Variants in DIDO1 observed in about 807,000 individuals in gnomAD.
DIDO1 encodes death inducer-obliterator 1.
In DIDO1, 16 loss-of-function variants were observed where a neutral mutation model predicts 99.4. The observed-to-expected ratio is 0.16, with a 90% CI of 0.11 to 0.24. DIDO1 has a LOEUF of 0.24. DIDO1 is among the 10% of genes least tolerant of loss of function. The pLI is 1.00. For missense variants in DIDO1, 2,996 were observed against 3,014.0 expected (o/e 0.99, Z 0.14); for synonymous variants, 1,366 against 1,239.1 (o/e 1.10, Z -2.15).
intron 15 of DIDO1, chr20:62,888,803 A>C (rs1266460914): frequency 1.0e-6 from 1 of 985,338 alleles, no homozygotes; most frequent in East Asian, 1.1e-4. Context: ...CCCGGGGTGA[A>C]GGCTGTTTAG....
chr20:62,879,031 TATTA>T lies in DIDO1; in HGVS notation c.*198_*201del. ...CATTTCTTTTAATTTTAAATGGAAA[TATTA>T]AAGTTTAGTTTTTTTAAAAAAGCAT... On this transcript the variant is annotated 3_prime_UTR_variant, in exon 16 of 16. Coordinates refer to ENST00000395343, the MANE Select transcript of DIDO1 (RefSeq NM_001193369.2). This position sits in a 1 kb window ranked among gnomAD's most constrained non-coding sequence, Gnocchi z 6.3. The T allele has an allele frequency of 2.1e-6, 1 of 475,222 alleles. No homozygotes were observed. Among genetic ancestry groups the T allele is most frequent in the Non-Finnish European group, 3.5e-6 (1 of 283,038 alleles). 29.4% of individuals were successfully genotyped at this position (475,222 alleles called of 1,614,324 possible).
rs1260378636 is a variant in DIDO1, at chr20:62,902,678, A to T, written c.1588+3209T>A. Among the ~76,000 whole-genome samples, 4 of 152,086 alleles carry T rather than the reference A, an allele frequency of 2.6e-5. No individual in the cohort carries two copies. In the East Asian group the frequency reaches 7.7e-4, roughly 29 times the overall value. ...GTGAACGGTGTTCTCCGTCCATTTCACCCCACCAGGGCCATCTCTGTGGCA... is the reference window on the plus strand; with the variant it reads ...GTGAACGGTGTTCTCCGTCCATTTCTCCCCACCAGGGCCATCTCTGTGGCA... On this transcript the variant is annotated intron_variant, in intron 6 of 15. Transcript: ENST00000395343.
Position 62,881,698 on chromosome 20 carries a change from C to T in DIDO1, c.4258G>A (p.Glu1420Lys). The T allele has an allele frequency of 6.2e-7, 1 of 1,612,902 alleles. No homozygotes were observed. The highest frequency in any genetic ancestry group is 8.5e-7 in the Non-Finnish European group (1 of 1,180,030). Residue 1420 changes from glutamate (E) to lysine (K), a missense_variant, in exon 16 of 16, where the codon GAG (glutamate) becomes AAG (lysine). Transcript: ENST00000395343. This position sits in a 1 kb window ranked among gnomAD's most constrained non-coding sequence, Gnocchi z 8.3. ...VERAPEAAAA[E>K]REEVAYDPED... is the part of the protein sequence containing the mutation. ...GGGTCATAGGCCACCTCTTCCCGCTCGGCTGCAGCTGCTTCAGGAGCCCTT... is the reference window on the plus strand; with the variant it reads ...GGGTCATAGGCCACCTCTTCCCGCTTGGCTGCAGCTGCTTCAGGAGCCCTT...
intron 1 of DIDO1, among the ~76,000 whole-genome samples, chr20:62,933,069 G>A (rs546693684): frequency 2.6e-5 from 4 of 152,300 alleles, no homozygotes; most frequent in South Asian, 4.2e-4. Flanking sequence ...AAAATTAGCC[G>A]GGCGTGGTGG....
chr20:62,913,246 T>C (rs1223487064), intron 2 of DIDO1, among the ~76,000 whole-genome samples: 1 of 151,894 alleles, frequency 6.6e-6, no homozygotes, highest in Non-Finnish European at 1.5e-5. Flanking sequence ...ACTTCTATGC[T>C]CACCTGAAGT....
In DIDO1 at chr20:62,879,793, G is replaced by C; in HGVS notation, c.6163C>G (p.Pro2055Ala). The change falls in exon 16 of 16, where the codon CCC becomes GCC. Residue 2055 changes from proline (P) to alanine (A), a missense_variant. Coordinates refer to ENST00000395343, the MANE Select transcript of DIDO1 (RefSeq NM_001193369.2). This position sits in a 1 kb window ranked among gnomAD's most constrained non-coding sequence, Gnocchi z 6.3. ...CCGTCGGCCTCGGGGCCCTGTCCGG[G>C]CGCACTGGAGGAGAGCGCGGAGGGC... is the stretch of plus-strand genomic sequence containing the variant. ...GPPSALSSSAPGQGPEADGQW... is the reference protein window; with the variant it reads ...GPPSALSSSAAGQGPEADGQW... The C allele has an allele frequency of 6.2e-7, 1 of 1,611,184 alleles. No homozygotes were observed.
intron 6 of DIDO1, among the ~76,000 whole-genome samples, chr20:62,898,009 C>T (rs2064576455): frequency 6.6e-6 from 1 of 152,216 alleles, no homozygotes; most frequent in Non-Finnish European, 1.5e-5. Context: ...GTCAACAAGG[C>T]ACCTCCTGAG....
At chr20:62,907,081 G>C in intron 5 of DIDO1, 66 bp downstream of exon 5, 3 of 1,558,574 alleles carry the variant, frequency 1.9e-6, no homozygotes, top group Non-Finnish European at 2.7e-6. Flanking sequence ...CAAACCAACA[G>C]TTCTGCGACA....
Position 62,894,942 on chromosome 20 carries a change from T to C in DIDO1, c.2332-28A>G, listed in dbSNP as rs7271159. On this transcript the variant is annotated intron_variant, in intron 9 of 15. Coordinates refer to ENST00000395343, the MANE Select transcript of DIDO1 (RefSeq NM_001193369.2). This position sits in a 1 kb window ranked among gnomAD's most constrained non-coding sequence, Gnocchi z 4.4. ...GAAATGAAAAAGACGAAACAGAGCT[T>C]AGGCCTTGTTTTCTAGGAGGAAAGC... 4.0e-3 allele frequency: 6,481 copies of C among 1,607,488 alleles called. 196 individuals carry two copies. The African/African-American group carries it at 0.073, about 18-fold the overall frequency.
intron 6 of DIDO1, among the ~76,000 whole-genome samples, chr20:62,902,436 G>A (rs1279740428): frequency 2.0e-5 from 3 of 152,288 alleles, no homozygotes; most frequent in East Asian, 1.9e-4. Context: ...TCCCAGTCTC[G>A]TTTTATTGCC....
chr20:62,903,207 A>G (rs2147457637), intron 6 of DIDO1, among the ~76,000 whole-genome samples: 1 of 152,330 alleles, frequency 6.6e-6, no homozygotes, highest in East Asian at 1.9e-4. Context: ...GCTGTGAAGG[A>G]CCTACTGATA....
Position 62,896,269 on chromosome 20 carries a change from G to A in DIDO1, c.2178C>T (p.Arg726=). ...GGTCCTTCAGGTTGAACATGATGCTGCGATATTTACTCTTGTAGCGATTAT... is the reference window on the plus strand; with the variant it reads ...GGTCCTTCAGGTTGAACATGATGCTACGATATTTACTCTTGTAGCGATTAT... The part of the protein sequence containing the change: ...VTDNRYKSKY[R]SIMFNLKDPK... Residue 726 remains arginine, a synonymous_variant, in exon 8 of 16, where the codon CGC becomes CGT. Coordinates refer to ENST00000395343, the MANE Select transcript of DIDO1 (RefSeq NM_001193369.2). This position sits in a 1 kb window ranked among gnomAD's most constrained non-coding sequence, Gnocchi z 4.4. 3 of 1,613,794 alleles carry A rather than the reference G, an allele frequency of 1.9e-6. No individual in the cohort carries two copies. The highest frequency in any genetic ancestry group is 2.5e-6 in the Non-Finnish European group (3 of 1,179,942).
upstream of DIDO1, among the ~76,000 whole-genome samples, chr20:62,929,692 A>AAAAAAAAAAAAAATATATATATATATAT: frequency 6.1e-4 from 39 of 63,722 alleles, no homozygotes; most frequent in African/African-American, 2.8e-3. Context: ...AAAAAGAAAA[A>AAAAAAAAAAAAAATATATATATATATAT]GTGTATATAT....
rs757038450 is a variant in DIDO1 at position 62,879,221 on chromosome 20, C to T, written c.*12G>A. On this transcript the variant is annotated 3_prime_UTR_variant, in exon 16 of 16. Transcript: ENST00000395343. The surrounding 1 kb of genome is among the most constrained non-coding windows in gnomAD (Gnocchi z 6.3). ...CGTGGCTTTAAAAAGGGTCTCTGCC[C>T]GGCCGGGGCGTCTAGGCCTGCGAGG... The T allele has an allele frequency of 6.1e-6, 9 of 1,481,988 alleles. No homozygotes were observed. Among genetic ancestry groups the T allele is most frequent in the South Asian group, 2.7e-5 (2 of 72,744 alleles). 91.8% of individuals were successfully genotyped at this position (1,481,988 alleles called of 1,614,324 possible).
chr20:62,935,976 G>A (rs1031682962), intron 1 of DIDO1, among the ~76,000 whole-genome samples: 5 of 152,238 alleles, frequency 3.3e-5, no homozygotes, highest in African/African-American at 7.2e-5. Flanking sequence ...TTGGTAACCG[G>A]TTGGCTGTTG....
rs1200803335 is a variant in DIDO1, at chr20:62,896,824, G to A, written c.1761C>T (p.Pro587=). The A allele has an allele frequency of 1.5e-5, 25 of 1,614,100 alleles. No individual in the cohort carries two copies. The highest frequency in any genetic ancestry group is 2.7e-5 in the African/African-American group (2 of 74,956). ...TGGGGATGGTGCCCTTGAAACCTGAGGGTGGCTTTTTAATGGCTGGTGTGG... is the reference window on the plus strand; with the variant it reads ...TGGGGATGGTGCCCTTGAAACCTGAAGGTGGCTTTTTAATGGCTGGTGTGG... ...AAATPAIKKP[P]SGFKGTIPKR... is the part of the protein sequence containing the mutation. The change falls in exon 7 of 16, where the codon CCC becomes CCT. Residue 587 remains proline (P), a synonymous_variant. Transcript: ENST00000395343. The surrounding 1 kb of genome is among the most constrained non-coding windows in gnomAD (Gnocchi z 4.4).
chr20:62,907,682 A>C (rs2064838204), intron 4 of DIDO1, among the ~76,000 whole-genome samples: 1 of 152,254 alleles, frequency 6.6e-6, no homozygotes, highest in East Asian at 1.9e-4. Flanking sequence ...GCTCCGCTAG[A>C]GGACCCACAT....
At position 62,911,275 on chromosome 20, in the gene DIDO1, C is replaced by T. The variant is rs2064931944; in HGVS notation, c.338G>A (p.Gly113Asp). Residue 113 changes from glycine to aspartate, a missense_variant, in exon 3 of 16, where the codon GGC becomes GAC. Gly to Asp is a moderately conservative substitution (Grantham distance 94). This residue lies in a region of DIDO1 where 388 missense variants were observed against 376.6 expected (regional missense o/e 1.03). Transcript: ENST00000395343. This position sits in a 1 kb window ranked among gnomAD's most constrained non-coding sequence, Gnocchi z 7.0. ...GGTCTCAGAAGCGCTTTCCACGCTG[C>T]CCTCGGAGGCTGTCTCGGCGTCTGT... ...PATDAETASEGSVESASETRS... is the reference protein window; with the variant it reads ...PATDAETASEDSVESASETRS... 6.2e-7 allele frequency: 1 copy of T among 1,612,542 alleles called. No homozygotes were observed. The highest frequency in any genetic ancestry group is 1.1e-5 in the South Asian group (1 of 91,088).
In DIDO1 at chr20:62,911,491, C is replaced by T; in HGVS notation, c.122G>A (p.Gly41Glu). 2 of 1,612,742 alleles carry T rather than the reference C, an allele frequency of 1.2e-6. No homozygotes were observed. The highest frequency in any genetic ancestry group is 1.7e-6 in the Non-Finnish European group (2 of 1,179,434). Residue 41 changes from glycine (G) to glutamate (E), a missense_variant, in exon 3 of 16, where the codon GGG (glycine) becomes GAG (glutamate). Physicochemically the swap from Gly to Glu is moderately conservative, Grantham distance 98 (BLOSUM62 -2). This residue lies in a region of DIDO1 where 388 missense variants were observed against 376.6 expected (regional missense o/e 1.03). Coordinates refer to ENST00000395343, the MANE Select transcript of DIDO1 (RefSeq NM_001193369.2). This position sits in a 1 kb window ranked among gnomAD's most constrained non-coding sequence, Gnocchi z 7.0. ...CTCCAGTGGGTCAGCCTCCGCGTCCCCTGCGCCCTCTCGCTTGGCGATAGT... is the reference window on the plus strand; with the variant it reads ...CTCCAGTGGGTCAGCCTCCGCGTCCTCTGCGCCCTCTCGCTTGGCGATAGT... ...RTTIAKREGA[G>E]DAEADPLEPP...
Sources: gnomAD v4.1 joint callset for allele counts (sites outside exome capture counted in the v4.1 genomes callset) on GRCh38, gnomAD v4.1.1 for gene constraint, gnomAD v4.1.1 regional missense constraint, Gnocchi (gnomAD v3.1) non-coding constraint, MANE v1.5 for transcripts, NCBI Gene and HGNC (gene_info 2026-07-23, HGNC 2026-07-21) for gene names.